Variants in TBX19 observed in about 807,000 individuals in gnomAD.
The protein encoded by TBX19 is T-box transcription factor TBX19.
TBX19 carries 33 observed loss-of-function variants against 40.9 expected under a neutral mutation model. The ratio of observed to expected loss-of-function variants is 0.81; its 90% CI spans 0.61 to 1.08. The LOEUF (loss-of-function observed/expected upper bound fraction) is 1.08, where lower values mean the gene tolerates loss of function less well. Among genes scored for constraint, TBX19 ranks in the 50% least tolerant of loss-of-function variants. The pLI, the probability that TBX19 is intolerant of heterozygous loss-of-function variation, is 0.00. For synonymous variants in TBX19, 220 were observed against 225.0 expected (o/e 0.98, Z 0.20); for missense variants, 494 against 574.0 (o/e 0.86, Z 1.42).
At chr1:168,302,695 C>CAA (rs3835597) in intron 5 of TBX19, among the ~76,000 whole-genome samples, 50 of 150,630 alleles carry the variant, frequency 3.3e-4, no homozygotes, top group Non-Finnish European at 5.9e-4. Context: ...ACCCCAAAAC[C>CAA]AAAAAAAAAC....
rs772716304 is a variant in TBX19 at position 168,285,273 on chromosome 1, A to G, written c.203+3980A>G. ...TGCACCATGTATGTCACACACACAC[A>G]CACACACACACACACACACACACAC... On this transcript the variant is annotated intron_variant, in intron 1 of 7. Transcript: ENST00000367821. 4.2e-3 allele frequency among the ~76,000 whole-genome samples: 627 copies of G among 148,488 alleles called. 3 individuals are homozygous for G. The highest frequency in any genetic ancestry group is 7.3e-3 in the Non-Finnish European group (491 of 67,104).
In TBX19 at chr1:168,280,975, C is replaced by G; in HGVS notation, c.-116C>G. 1 of 978,700 alleles carries G rather than the reference C, an allele frequency of 1.0e-6. No homozygotes were observed. The highest frequency in any genetic ancestry group is 1.6e-6 in the Non-Finnish European group (1 of 630,782). 60.6% of individuals were successfully genotyped at this position (978,700 alleles called of 1,614,324 possible). ...GCTTAGGCAAGAGCCAGGGTATCTT[C>G]TCTCCGCTCCCCAAGCACTGTTCAA... On this transcript the variant is annotated 5_prime_UTR_variant, in exon 1 of 8. Coordinates refer to ENST00000367821, the MANE Select transcript of TBX19 (RefSeq NM_005149.3).
chr1:168,282,943 T>C (rs1470559791), intron 1 of TBX19, among the ~76,000 whole-genome samples: 1 of 152,238 alleles, frequency 6.6e-6, no homozygotes, highest in African/African-American at 2.4e-5. Context: ...CCATGATAAA[T>C]TCCAATTTAA....
chr1:168,291,437 C>A lies in TBX19; in HGVS notation c.468+13C>A, dbSNP rs111697318. 6.2e-7 allele frequency: 1 copy of A among 1,614,130 alleles called. No individual in the cohort carries two copies. The highest frequency in any genetic ancestry group is 2.2e-5 in the East Asian group (1 of 44,876). ...TGGAGGCGGGCAGGTACGAATGAGG[C>A]GGGCAGGCCTGGCCACCCGCTCCGG... On this transcript the variant is annotated intron_variant, in intron 2 of 7. Coordinates refer to ENST00000367821, the MANE Select transcript of TBX19 (RefSeq NM_005149.3).
At chr1:168,311,739 T>C (rs1043118436) in intron 7 of TBX19, among the ~76,000 whole-genome samples, 1 of 152,138 alleles carries the variant, frequency 6.6e-6, no homozygotes, top group African/African-American at 2.4e-5. Flanking sequence ...GTAAGAAACA[T>C]AGTGATGACT....
intron 2 of TBX19, 135 bp from the exon 3 acceptor site, chr1:168,293,009 G>A (rs1648984395): frequency 7.0e-7 from 1 of 1,433,252 alleles, no homozygotes; most frequent in Non-Finnish European, 9.6e-7. Context: ...CAGCTCAGGT[G>A]GCCTAGGATT....
intron 6 of TBX19, among the ~76,000 whole-genome samples, chr1:168,306,366 G>A (rs1463230770): frequency 1.3e-5 from 2 of 152,108 alleles, no homozygotes; most frequent in Non-Finnish European, 1.5e-5. Context: ...GGTGGTTCAC[G>A]CCTGTAATCC....
At chr1:168,302,006 C>A (rs2102360025) in intron 5 of TBX19, among the ~76,000 whole-genome samples, 1 of 152,302 alleles carries the variant, frequency 6.6e-6, no homozygotes, top group South Asian at 2.1e-4. Flanking sequence ...TCTTTTATCA[C>A]TTCCCCCTCA....
intron 6 of TBX19, among the ~76,000 whole-genome samples, chr1:168,306,441 C>T (rs974002377): frequency 6.6e-6 from 1 of 152,038 alleles, no homozygotes; most frequent in African/African-American, 2.4e-5. Context: ...GCCTGGCCAA[C>T]ATGGCGAAAC....
chr1:168,314,412 A>G lies in TBX19; in HGVS notation c.*1410A>G, dbSNP rs574714236. On this transcript the variant is annotated 3_prime_UTR_variant, in exon 8 of 8. Transcript: ENST00000367821. ...TGCCTATTGTAGGTGCCCAATAAAC[A>G]TTTGCTGAACTGAATTGGTGTAATG... The G allele has an allele frequency of 2.6e-5, 4 of 152,782 alleles. No individual in the cohort carries two copies. Among genetic ancestry groups the G allele is most frequent in the African/African-American group, 9.6e-5 (4 of 41,532 alleles). The allele number at this position is 152,782 out of a possible 1,614,324, so 9.5% of individuals were successfully genotyped here.
chr1:168,311,414 T>C (rs1289043669), intron 7 of TBX19, among the ~76,000 whole-genome samples: 3 of 152,032 alleles, frequency 2.0e-5, no homozygotes. Context: ...AAAGGGTCTG[T>C]AAGAGATAAT....
intron 4 of TBX19, among the ~76,000 whole-genome samples, chr1:168,299,777 A>G (rs1649229897): frequency 6.6e-6 from 1 of 152,180 alleles, no homozygotes; most frequent in Non-Finnish European, 1.5e-5. Flanking sequence ...CCTAGCTCCA[A>G]TATTGGAATA....
intron 1 of TBX19, among the ~76,000 whole-genome samples, chr1:168,290,053 G>T (rs1288728505): frequency 1.3e-5 from 2 of 152,054 alleles, no homozygotes; most frequent in Admixed American, 6.6e-5. Context: ...AATTAGCCAG[G>T]CGTGGTGGCA....
At chr1:168,305,283 T>G in intron 6 of TBX19, 87 bp downstream of exon 6, 1 of 1,273,004 alleles carries the variant, frequency 7.9e-7, no homozygotes, top group Non-Finnish European at 1.1e-6. Flanking sequence ...GGAAAAGGAG[T>G]AGCTAAAGAT....
chr1:168,298,823 CTTTCTTTCTTTCTT>C lies in TBX19; in HGVS notation c.665+1040_665+1053del, dbSNP rs1333134906. Among the ~76,000 whole-genome samples, 116 of 15,538 alleles carry C rather than the reference CTTTCTTTCTTTCTT, an allele frequency of 7.5e-3. 15 individuals carry two copies. Among genetic ancestry groups the C allele is most frequent in the African/African-American group, 0.032 (110 of 3,464 alleles). 10.2% of individuals were successfully genotyped at this position (15,538 alleles called of 152,430 possible). On this transcript the variant is annotated intron_variant, in intron 4 of 7. Coordinates refer to ENST00000367821, the MANE Select transcript of TBX19 (RefSeq NM_005149.3). ...CTCCCCTCCCTCCCTCCCTCCCTTC[CTTTCTTTCTTTCTT>C]TCTTTCTTTCTTTCTTTCTTTCTTT...
intron 7 of TBX19, among the ~76,000 whole-genome samples, chr1:168,310,987 A>T (rs923840961): frequency 6.6e-6 from 1 of 151,082 alleles, no homozygotes; most frequent in Non-Finnish European, 1.5e-5. Flanking sequence ...TAATAAATTA[A>T]TTTTTTTCTA....
At position 168,292,768 on chromosome 1, in the gene TBX19, G is replaced by A. The variant is rs530127476; in HGVS notation, c.469-376G>A. Among the ~76,000 whole-genome samples the A allele has an allele frequency of 7.3e-5, 11 of 151,582 alleles. No homozygotes were observed. In the East Asian group the frequency reaches 1.8e-3, roughly 24 times the overall value. ...AGTCCCAGCTACTCGGGAGGCTGAG[G>A]CAGGAGAATGGCGTGAACCCGGGAG... On this transcript the variant is annotated intron_variant, in intron 2 of 7. Transcript: ENST00000367821.
intron 1 of TBX19, among the ~76,000 whole-genome samples, chr1:168,286,161 A>G (rs576007385): frequency 6.6e-6 from 1 of 152,388 alleles, no homozygotes; most frequent in South Asian, 2.1e-4. Flanking sequence ...TAGAGCAATT[A>G]ATCATTCTAC....
At chr1:168,295,949 T>G (rs756132165) in intron 3 of TBX19, among the ~76,000 whole-genome samples, 6 of 152,230 alleles carry the variant, frequency 3.9e-5, no homozygotes, top group Non-Finnish European at 8.8e-5. Flanking sequence ...TTGAACCACC[T>G]GACTGGTCAT....
Sources: gnomAD v4.1 joint callset for allele counts (sites outside exome capture counted in the v4.1 genomes callset) on GRCh38, gnomAD v4.1.1 for gene constraint, MANE v1.5 for transcripts, NCBI Gene and HGNC (gene_info 2026-07-23, HGNC 2026-07-21) for gene names.